The following STXBP5L variants were observed in gnomAD, a reference collection of about 807,000 sequenced individuals.
STXBP5L encodes the protein syntaxin binding protein 5L, also known as syntaxin-binding protein 5-like.
STXBP5L carries 65 observed loss-of-function variants against 144.5 expected under a neutral mutation model. The ratio of observed to expected loss-of-function variants is 0.45; its 90% CI spans 0.37 to 0.55. The LOEUF (loss-of-function observed/expected upper bound fraction) is 0.55, where lower values mean the gene tolerates loss of function less well. STXBP5L is among the 20% of genes least tolerant of loss of function. STXBP5L has a pLI of 0.00. For missense variants in STXBP5L, 1,298 were observed against 1,405.5 expected, an observed-to-expected ratio of 0.92 and a Z score of 1.22; for synonymous variants, 505 against 469.6, an observed-to-expected ratio of 1.08 and a Z score of -0.97.
In STXBP5L at chr3:121,004,740, T is replaced by A. The variant is rs1283533674; in HGVS notation, c.288-36960T>A. Among the ~76,000 whole-genome samples the A allele has an allele frequency of 3.3e-5, 5 of 152,186 alleles. No homozygotes were observed. In the East Asian group the frequency reaches 9.7e-4, roughly 29 times the overall value. ...GATACGTCCCATGAATACCTAATTT[T>A]TTGAGAGTTTTTAGCATGAAGCGTT... is the stretch of plus-strand genomic sequence containing the variant. On this transcript the variant is annotated intron_variant, in intron 3 of 26. Coordinates refer to ENST00000471454, the MANE Select transcript of STXBP5L (RefSeq NM_001308330.2).
chr3:121,285,091 T>C (rs1299361344), intron 19 of STXBP5L, among the ~76,000 whole-genome samples: 1 of 152,130 alleles, frequency 6.6e-6, no homozygotes, highest in Non-Finnish European at 1.5e-5. Context: ...AATTGCTTAC[T>C]AACTTTCAGA....
chr3:121,134,849 A>C, intron 7 of STXBP5L, among the ~76,000 whole-genome samples: 1 of 152,214 alleles, frequency 6.6e-6, no homozygotes, highest in East Asian at 1.9e-4. Context: ...TATTGTGAAT[A>C]GTACCACAAT....
At chr3:120,975,013 C>A (rs1294192138) in intron 3 of STXBP5L, among the ~76,000 whole-genome samples, 1 of 152,130 alleles carries the variant, frequency 6.6e-6, no homozygotes, top group South Asian at 2.1e-4. Flanking sequence ...TTAGGATTGA[C>A]TTGGCGATGC....
intron 3 of STXBP5L, among the ~76,000 whole-genome samples, chr3:121,030,713 C>T (rs1946305959): frequency 6.6e-6 from 1 of 151,942 alleles, no homozygotes; most frequent in Non-Finnish European, 1.5e-5. Context: ...CAGGCCCCAC[C>T]CTAGAACTAC....
chr3:121,303,891 G>A (rs1439579883), intron 19 of STXBP5L, among the ~76,000 whole-genome samples: 1 of 152,004 alleles, frequency 6.6e-6, no homozygotes, highest in Non-Finnish European at 1.5e-5. Context: ...GGTGGGGGGA[G>A]TGGGGAGGGA....
intron 9 of STXBP5L, among the ~76,000 whole-genome samples, chr3:121,180,918 AAGAAAG>A (rs777499506): frequency 9.9e-5 from 15 of 151,762 alleles, no homozygotes; most frequent in Non-Finnish European, 1.5e-4. Flanking sequence ...GAGAAAAGAA[AAGAAAG>A]AGAAAGAGAA....
intron 7 of STXBP5L, among the ~76,000 whole-genome samples, chr3:121,140,033 CATTTCTCACTA>C (rs2045431453): frequency 6.6e-6 from 1 of 152,048 alleles, no homozygotes; most frequent in South Asian, 2.1e-4. Flanking sequence ...ATGAAACACT[CATTTCTCACTA>C]TATTAAAAAA....
intron 18 of STXBP5L, among the ~76,000 whole-genome samples, chr3:121,278,383 C>A (rs1275418008): frequency 2.6e-5 from 4 of 151,904 alleles, no homozygotes; most frequent in Non-Finnish European, 5.9e-5. Flanking sequence ...TAAGCTATAA[C>A]TTCTCAGTAT....
chr3:121,000,489 T>G (rs1233433932), intron 3 of STXBP5L, among the ~76,000 whole-genome samples: 1 of 152,188 alleles, frequency 6.6e-6, no homozygotes, highest in Non-Finnish European at 1.5e-5. Flanking sequence ...AAATGGCTAT[T>G]TCATCTTTCT....
At chr3:121,263,129 G>A (rs1195394584) in intron 18 of STXBP5L, among the ~76,000 whole-genome samples, 3 of 152,222 alleles carry the variant, frequency 2.0e-5, no homozygotes, top group Non-Finnish European at 4.4e-5. Flanking sequence ...GGAACAGGCA[G>A]CAATCTTTGT....
At chr3:121,316,435 C>T (rs896064158) in intron 19 of STXBP5L, among the ~76,000 whole-genome samples, 21 of 152,188 alleles carry the variant, frequency 1.4e-4, no homozygotes, top group Admixed American at 1.2e-3. Flanking sequence ...GAAACTCTTT[C>T]TAACATATAC....
intron 3 of STXBP5L, among the ~76,000 whole-genome samples, chr3:120,975,942 T>A (rs1316521757): frequency 6.6e-6 from 1 of 152,220 alleles, no homozygotes; most frequent in East Asian, 1.9e-4. Context: ...TGGATTCTGT[T>A]TGCCAGTATT....
intron 19 of STXBP5L, among the ~76,000 whole-genome samples, chr3:121,294,678 G>C (rs1577384573): frequency 1.3e-5 from 2 of 152,224 alleles, no homozygotes; most frequent in African/African-American, 4.8e-5. Flanking sequence ...GGAAGAAAAG[G>C]AGATTTGTGA....
rs756551464 is a variant in STXBP5L, at chr3:121,041,687, TTTA to T, written c.288-8_288-6del. On this transcript the variant is annotated splice_polypyrimidine_tract_variant and intron_variant, in intron 3 of 26. Coordinates refer to ENST00000471454, the MANE Select transcript of STXBP5L (RefSeq NM_001308330.2). The stretch of plus-strand genomic sequence containing the variant: ...AATTAAAATGTTAGAATCCTTGACT[TTTA>T]TTATATTAGACTCGGGAGACCTGGT... 3.1e-6 allele frequency: 5 copies of T among 1,603,548 alleles called. No homozygotes were observed. In the South Asian group the frequency reaches 5.5e-5, roughly 18 times the overall value.
In STXBP5L at chr3:121,147,748, G is replaced by A. The variant is rs138555933; in HGVS notation, c.670-4729G>A. Among the ~76,000 whole-genome samples, 399 of 152,270 alleles carry A rather than the reference G, an allele frequency of 2.6e-3. 4 individuals carry two copies. The highest frequency in any genetic ancestry group is 9.0e-3 in the African/African-American group (373 of 41,564). On this transcript the variant is annotated intron_variant, in intron 7 of 26. Transcript: ENST00000471454. ...ATCTGTAGACTGAGTGAAGCAGGTT[G>A]CCATTCCTAATGCGAGTGGGTCTCA...
At chr3:121,180,719 G>T (rs191627911) in intron 9 of STXBP5L, among the ~76,000 whole-genome samples, 2 of 152,116 alleles carry the variant, frequency 1.3e-5, no homozygotes, top group Admixed American at 1.3e-4. Context: ...TACTGAAAAT[G>T]CAAAATTAGC....
At chr3:120,991,706 C>T (rs562063801) in intron 3 of STXBP5L, among the ~76,000 whole-genome samples, 1 of 151,450 alleles carries the variant, frequency 6.6e-6, no homozygotes, top group South Asian at 2.1e-4. Context: ...CAAACTATCA[C>T]AAGGACAAAA....
intron 5 of STXBP5L, among the ~76,000 whole-genome samples, chr3:121,063,374 A>G (rs1170583335): frequency 6.6e-6 from 1 of 152,176 alleles, no homozygotes; most frequent in South Asian, 2.1e-4. Flanking sequence ...TGTAAGCTTC[A>G]TCCCAAAGGG....
intron 20 of STXBP5L, among the ~76,000 whole-genome samples, chr3:121,350,757 A>G (rs1243278547): frequency 5.9e-5 from 9 of 152,210 alleles, no homozygotes; most frequent in African/African-American, 1.9e-4. Context: ...CGAATCAGCT[A>G]CTGAGGCTTG....
Sources: gnomAD v4.1 joint callset for allele counts (sites outside exome capture counted in the v4.1 genomes callset) on GRCh38, gnomAD v4.1.1 for gene constraint, MANE v1.5 for transcripts, NCBI Gene and HGNC (gene_info 2026-07-23, HGNC 2026-07-21) for gene names.